PTK2B: variants seen among roughly 807,000 people sequenced by gnomAD.
PTK2B encodes protein-tyrosine kinase 2-beta.
In PTK2B, 71 loss-of-function variants were observed where a neutral mutation model predicts 142.9. That is an observed-to-expected ratio of 0.50 (90% CI 0.41 to 0.61). The LOEUF (loss-of-function observed/expected upper bound fraction) is 0.61. Among genes scored for constraint, PTK2B ranks in the 20% least tolerant of loss-of-function variants. The pLI, the probability that PTK2B is intolerant of heterozygous loss-of-function variation, is 0.00. For missense variants in PTK2B, 1,105 were observed against 1,320.4 expected, an observed-to-expected ratio of 0.84 and a Z score of 2.53; for synonymous variants, 519 against 503.4, an observed-to-expected ratio of 1.03 and a Z score of -0.42.
chr8:27,453,018 G>A lies in PTK2B; in HGVS notation c.2549-96G>A, dbSNP rs1029326052. 2.1e-5 allele frequency: 30 copies of A among 1,418,444 alleles called. No homozygotes were observed. In the Admixed American group the frequency reaches 5.1e-4, roughly 24 times the overall value. 87.9% of individuals were successfully genotyped at this position (1,418,444 alleles called of 1,614,324 possible). On this transcript the variant is annotated intron_variant, in intron 27 of 30. Coordinates refer to ENST00000346049, the MANE Select transcript of PTK2B (RefSeq NM_173176.3). ...GTTAATTTCCCTGAAGTCTCCTGGT[G>A]GTAGAGGGGAAGGGGCTCATTTGAT...
intron 2 of PTK2B, among the ~76,000 whole-genome samples, chr8:27,419,244 T>G (rs1466618762): frequency 6.6e-6 from 1 of 152,050 alleles, no homozygotes; most frequent in East Asian, 1.9e-4. Flanking sequence ...CACTCATTTC[T>G]TGTGTCCTTG....
upstream of PTK2B, chr8:27,311,051 T>G: frequency 6.3e-7 from 1 of 1,598,122 alleles, no homozygotes; most frequent in Non-Finnish European, 8.5e-7. Flanking sequence ...TGACGCGCGG[T>G]CTTTGCACAC....
intron 28 of PTK2B, 168 bp from the exon 29 acceptor site, chr8:27,453,986 A>C (rs1347547123): frequency 2.3e-6 from 2 of 862,248 alleles, no homozygotes; most frequent in Non-Finnish European, 3.5e-6. Context: ...ACTGCCCCAG[A>C]AGTGGACAGA....
chr8:27,375,325 G>A (rs865875663), intron 1 of PTK2B, among the ~76,000 whole-genome samples: 16 of 152,210 alleles, frequency 1.1e-4, no homozygotes, highest in African/African-American at 3.4e-4. Flanking sequence ...GGGCCAGGAT[G>A]TAGCCTGGGA....
At chr8:27,329,422 G>A (rs1803607966) in intron 1 of PTK2B, among the ~76,000 whole-genome samples, 2 of 152,122 alleles carry the variant, frequency 1.3e-5, no homozygotes, top group South Asian at 4.1e-4. Context: ...AATACTGCTA[G>A]GACAAAGGAA....
intron 24 of PTK2B, among the ~76,000 whole-genome samples, chr8:27,449,985 A>G (rs1811702493): frequency 6.6e-6 from 1 of 152,244 alleles, no homozygotes; most frequent in Non-Finnish European, 1.5e-5. Context: ...CATTGGTTAA[A>G]TAACTCAAGC....
chr8:27,435,739 C>T lies in PTK2B; in HGVS notation c.1193-4C>T, dbSNP rs973524417. ...CACGGCTGAGCCTCTTCCTGTTGTT[C>T]CAGAGTCAGACATCTACGCAGAGAT... On this transcript the variant is annotated splice_polypyrimidine_tract_variant and splice_region_variant and intron_variant, in intron 13 of 30. Coordinates refer to ENST00000346049, the MANE Select transcript of PTK2B (RefSeq NM_173176.3). 6.2e-7 allele frequency: 1 copy of T among 1,613,998 alleles called. No homozygotes were observed. The highest frequency in any genetic ancestry group is 8.5e-7 in the Non-Finnish European group (1 of 1,180,004).
At chr8:27,335,595 CAAAA>C (rs900959610) in intron 1 of PTK2B, among the ~76,000 whole-genome samples, 2 of 74,324 alleles carry the variant, frequency 2.7e-5, no homozygotes, top group Admixed American at 1.6e-4. Flanking sequence ...AACACTGTCT[CAAAA>C]AAAAAAAAAA....
intron 1 of PTK2B, among the ~76,000 whole-genome samples, chr8:27,337,292 T>G (rs1269942272): frequency 2.6e-5 from 4 of 152,150 alleles, no homozygotes; most frequent in Non-Finnish European, 4.4e-5. Context: ...CCTGCCATCA[T>G]GCCTGGCTAG....
intron 3 of PTK2B, among the ~76,000 whole-genome samples, chr8:27,317,896 A>G (rs1285399754): frequency 1.3e-5 from 2 of 152,242 alleles, no homozygotes; most frequent in African/African-American, 4.8e-5. Context: ...AACTGGACAC[A>G]ACACAAAGCT....
chr8:27,380,636 G>A (rs1462292564), intron 1 of PTK2B: 1 of 152,058 alleles, frequency 6.6e-6, no homozygotes, highest in Non-Finnish European at 1.5e-5. Context: ...TCTAAAATAA[G>A]AGACTCAGAG....
chr8:27,438,940 GTC>G lies in PTK2B; in HGVS notation c.1644-87_1644-86del, dbSNP rs17088436. The stretch of plus-strand genomic sequence containing the variant: ...TCCGAGTCCCTGGCTTAGATTCTTG[GTC>G]TCTTTTTCCATCTGTCTGTCCATCT... On this transcript the variant is annotated intron_variant, in intron 18 of 30. Coordinates refer to ENST00000346049, the MANE Select transcript of PTK2B (RefSeq NM_173176.3). 527 of 1,222,134 alleles carry G rather than the reference GTC, an allele frequency of 4.3e-4. 3 individuals are homozygous for G. The East Asian group carries it at 9.5e-3, about 22-fold the overall frequency. 75.7% of individuals were successfully genotyped at this position (1,222,134 alleles called of 1,614,324 possible).
At chr8:27,378,610 T>C (rs879642874) in intron 1 of PTK2B, among the ~76,000 whole-genome samples, 7,943 of 57,928 alleles carry the variant, frequency 0.14, 279 homozygotes, top group Non-Finnish European at 0.14. Context: ...TCTGTGTGTG[T>C]GTGTGTGTGT....
At chr8:27,366,403 C>A (rs578075312) in intron 1 of PTK2B, among the ~76,000 whole-genome samples, 1 of 152,356 alleles carries the variant, frequency 6.6e-6, no homozygotes, top group South Asian at 2.1e-4. Flanking sequence ...ACCCAGGCGA[C>A]ATCCAGCTTC....
At chr8:27,452,981 C>T (rs1008160324) in intron 27 of PTK2B, 133 bp from the exon 28 acceptor site, 51 of 1,084,990 alleles carry the variant, frequency 4.7e-5, no homozygotes, top group Middle Eastern at 6.1e-4. Context: ...CTGCCCGCTT[C>T]CTGGATTCAG....
chr8:27,454,405 C>A, intron 29 of PTK2B, 114 bp downstream of exon 29: 1 of 1,553,296 alleles, frequency 6.4e-7, no homozygotes, highest in Non-Finnish European at 8.8e-7. Flanking sequence ...CAAGCTGGGC[C>A]AGGGGAATTG....
chr8:27,315,263 T>C (rs1803067233), intron 3 of PTK2B, among the ~76,000 whole-genome samples: 1 of 152,204 alleles, frequency 6.6e-6, no homozygotes, highest in African/African-American at 2.4e-5. Context: ...CTCATCTCTC[T>C]TGTGGAAAGT....
At chr8:27,425,379 T>C (rs1215483586) in intron 5 of PTK2B, among the ~76,000 whole-genome samples, 2 of 152,164 alleles carry the variant, frequency 1.3e-5, no homozygotes, top group Non-Finnish European at 2.9e-5. Flanking sequence ...ACCAAAGTAT[T>C]CAATAATTAT....
At chr8:27,447,579 C>T (rs1340979151) in intron 24 of PTK2B, among the ~76,000 whole-genome samples, 1 of 152,244 alleles carries the variant, frequency 6.6e-6, no homozygotes, top group Non-Finnish European at 1.5e-5. Flanking sequence ...CAATTCAAGG[C>T]CAGGCGTGGT....
Sources: gnomAD v4.1 joint callset for allele counts (sites outside exome capture counted in the v4.1 genomes callset) on GRCh38, gnomAD v4.1.1 for gene constraint, MANE v1.5 for transcripts, NCBI Gene and HGNC (gene_info 2026-07-23, HGNC 2026-07-21) for gene names.